ANKRD12: variants seen among roughly 807,000 people sequenced by gnomAD.
ANKRD12 encodes the protein ankyrin repeat domain 12, also known as ankyrin repeat domain-containing protein 12.
Under a neutral mutation model 183.4 loss-of-function variants are expected in ANKRD12, and 85 were observed. The ratio of observed to expected loss-of-function variants is 0.46; its 90% CI spans 0.39 to 0.56. The LOEUF is 0.56. ANKRD12 is among the 20% of genes least tolerant of loss of function. ANKRD12 has a pLI of 0.00. For synonymous variants in ANKRD12, 914 were observed against 800.2 expected (o/e 1.14, Z -2.40); for missense variants, 2,405 against 2,357.1 (o/e 1.02, Z -0.42).
chr18:9,275,303 A>AATAT (rs36011042), intron 10 of ANKRD12, among the ~76,000 whole-genome samples: 150 of 150,362 alleles, frequency 1.0e-3, no homozygotes, highest in Middle Eastern at 3.4e-3. Context: ...TGTCTCTAAA[A>AATAT]ATATATATAT....
At chr18:9,227,064 T>C (rs2036760139) in intron 8 of ANKRD12, among the ~76,000 whole-genome samples, 2 of 152,114 alleles carry the variant, frequency 1.3e-5, no homozygotes, top group African/African-American at 4.8e-5. Flanking sequence ...ATTTATGAAG[T>C]TGATTACTGT....
At chr18:9,251,613 G>T (rs145132712) in intron 8 of ANKRD12, among the ~76,000 whole-genome samples, 1,570 of 152,168 alleles carry the variant, frequency 0.01, 21 homozygotes, top group African/African-American at 0.036. Context: ...GACCAACATG[G>T]TGAAACCCTG....
chr18:9,155,129 T>C (rs113381467), intron 1 of ANKRD12, among the ~76,000 whole-genome samples: 6 of 152,280 alleles, frequency 3.9e-5, no homozygotes, highest in African/African-American at 1.4e-4. Flanking sequence ...AAAGAAGAGA[T>C]TAAAAAATAA....
At chr18:9,168,632 A>G (rs1383447663) in intron 1 of ANKRD12, among the ~76,000 whole-genome samples, 1 of 151,834 alleles carries the variant, frequency 6.6e-6, no homozygotes, top group Non-Finnish European at 1.5e-5. Context: ...TAGTCTTGCT[A>G]GTGGTCTATC....
intron 1 of ANKRD12, among the ~76,000 whole-genome samples, chr18:9,173,919 A>C (rs558955136): frequency 6.6e-6 from 1 of 152,338 alleles, no homozygotes; most frequent in African/African-American, 2.4e-5. Context: ...AGTCAACTGA[A>C]CCGCAGAGAC....
intron 12 of ANKRD12, among the ~76,000 whole-genome samples, chr18:9,280,327 A>G (rs116897024): frequency 2.4e-3 from 360 of 152,284 alleles, no homozygotes; most frequent in East Asian, 0.017. Context: ...TCAGGTGGTA[A>G]TGCTTGCTTG....
chr18:9,275,519 A>C lies in ANKRD12; in HGVS notation c.5764-5A>C. ...TTATTTTTTTTTAATTCTTTATTCA[A>C]CTAGGAAAAACTCATTGTATCCAAC... On this transcript the variant is annotated splice_region_variant and splice_polypyrimidine_tract_variant and intron_variant, in intron 10 of 12. Coordinates refer to ENST00000262126, the MANE Select transcript of ANKRD12 (RefSeq NM_015208.5). The C allele has an allele frequency of 1.3e-6, 2 of 1,584,726 alleles. No individual in the cohort carries two copies. Among genetic ancestry groups the C allele is most frequent in the South Asian group, 2.3e-5 (2 of 86,244 alleles).
chr18:9,280,795 A>AAAAG, intron 12 of ANKRD12, 146 bp from the exon 13 acceptor site: 2 of 775,172 alleles, frequency 2.6e-6, no homozygotes, highest in South Asian at 3.7e-5. Flanking sequence ...TCTCAAAAAA[A>AAAAG]AAAGAAAGAA....
intron 7 of ANKRD12, among the ~76,000 whole-genome samples, chr18:9,218,665 C>CTTTTTTTTTTT (rs58382120): frequency 7.0e-6 from 1 of 142,896 alleles, no homozygotes; most frequent in Non-Finnish European, 1.5e-5. Flanking sequence ...CTTCTTTTTT[C>CTTTTTTTTTTT]TTTTTTTTTT....
chr18:9,217,490 T>G (rs1271574046), intron 7 of ANKRD12, among the ~76,000 whole-genome samples: 2 of 152,304 alleles, frequency 1.3e-5, no homozygotes, highest in Non-Finnish European at 2.9e-5. Context: ...GGGTAAAAGA[T>G]TAAAAAGCTG....
chr18:9,203,319 T>A (rs531871471), intron 3 of ANKRD12, among the ~76,000 whole-genome samples: 1 of 152,266 alleles, frequency 6.6e-6, no homozygotes, highest in South Asian at 2.1e-4. Flanking sequence ...TGCTTAGGGG[T>A]TACTTGTTCT....
At chr18:9,164,241 ATTT>A (rs1261355703) in intron 1 of ANKRD12, among the ~76,000 whole-genome samples, 2 of 152,132 alleles carry the variant, frequency 1.3e-5, no homozygotes, top group Admixed American at 6.6e-5. Flanking sequence ...GGGATGTTGA[ATTT>A]TCTGAAGGCC....
rs1004117511 is a variant in ANKRD12, at chr18:9,255,478, G to T, written c.2211G>T (p.Lys737Asn). ...EKNIKDDKST[K>N]EKHVSKERNF... ...ACATCAAAGATGATAAATCAACCAAGGAAAAGCATGTGTCAAAAGAGAGGA... is the reference window on the plus strand; with the variant it reads ...ACATCAAAGATGATAAATCAACCAATGAAAAGCATGTGTCAAAAGAGAGGA... Residue 737 changes from lysine to asparagine, a missense_variant, in exon 9 of 13, where the codon AAG (lysine) becomes AAT (asparagine). Transcript: ENST00000262126. The T allele has an allele frequency of 6.4e-7, 1 of 1,560,606 alleles. No homozygotes were observed. The highest frequency in any genetic ancestry group is 8.6e-7 in the Non-Finnish European group (1 of 1,162,320).
intron 1 of ANKRD12, among the ~76,000 whole-genome samples, chr18:9,174,514 C>T (rs981448614): frequency 6.6e-6 from 1 of 152,196 alleles, no homozygotes; most frequent in Admixed American, 6.5e-5. Context: ...GAGGGGATCT[C>T]CTGATCCATG....
Position 9,256,899 on chromosome 18 carries a change from G to C in ANKRD12, c.3632G>C (p.Ser1211Thr), listed in dbSNP as rs1237608214. Residue 1211 changes from serine to threonine, a missense_variant, in exon 9 of 13, where the codon AGT (serine) becomes ACT (threonine). Around this residue, in one of 7 missense-constraint regions of ANKRD12, gnomAD observed 1,983 missense variants for 1,725.9 expected, o/e 1.15. Coordinates refer to ENST00000262126, the MANE Select transcript of ANKRD12 (RefSeq NM_015208.5). ...TCTGTATCCATGATTTCTGTTGCTA[G>C]TTCAGAAGATTCCTGCCATACTACA... ...SRSVSMISVA[S>T]SEDSCHTTVT... 3 of 1,613,974 alleles carry C rather than the reference G, an allele frequency of 1.9e-6. No homozygotes were observed. Among genetic ancestry groups the C allele is most frequent in the East Asian group, 4.5e-5 (2 of 44,878 alleles).
At chr18:9,146,667 A>G (rs538261497) in intron 1 of ANKRD12, among the ~76,000 whole-genome samples, 2 of 152,218 alleles carry the variant, frequency 1.3e-5, no homozygotes, top group Non-Finnish European at 2.9e-5. Context: ...CCTCATTACC[A>G]TATTTCTCCT....
At chr18:9,232,875 A>C (rs1281098691) in intron 8 of ANKRD12, among the ~76,000 whole-genome samples, 1 of 144,614 alleles carries the variant, frequency 6.9e-6, no homozygotes, top group Non-Finnish European at 1.5e-5. Flanking sequence ...TTTAAGACAG[A>C]ATCTGGCTCT....
At chr18:9,191,130 G>T (rs117648009) in intron 2 of ANKRD12, among the ~76,000 whole-genome samples, 6 of 152,084 alleles carry the variant, frequency 3.9e-5, no homozygotes, top group African/African-American at 1.4e-4. Flanking sequence ...TCATTATTAC[G>T]TGTGATGGCT....
intron 1 of ANKRD12, among the ~76,000 whole-genome samples, chr18:9,146,599 C>T (rs2078501515): frequency 6.6e-6 from 1 of 152,228 alleles, no homozygotes; most frequent in Non-Finnish European, 1.5e-5. Context: ...GAGTACCAGC[C>T]TTTTCACATT....
Sources: allele counts gnomAD v4.1 joint callset (sites outside exome capture counted in the v4.1 genomes callset), GRCh38; gene constraint gnomAD v4.1.1; regional missense constraint gnomAD v4.1.1; transcripts MANE v1.5; gene names NCBI Gene and HGNC (gene_info 2026-07-23, HGNC 2026-07-21).